The following MEGF11 variants were observed in gnomAD, a reference collection of about 807,000 sequenced individuals.
The protein encoded by MEGF11 is multiple EGF like domains 11.
In MEGF11, 126 loss-of-function variants were observed where a neutral mutation model predicts 146.6. That is an observed-to-expected ratio of 0.86 (90% CI 0.74 to 1.00). The LOEUF (loss-of-function observed/expected upper bound fraction) is 1.00. Ranked by LOEUF, MEGF11 falls within the 50% of genes least tolerant of loss-of-function variation. The probability of loss-of-function intolerance (pLI) is 0.00; values close to 1 mark genes in which losing one functional copy is unlikely to be tolerated. For synonymous variants in MEGF11, 532 were observed against 583.4 expected, an observed-to-expected ratio of 0.91 and a Z score of 1.27; for missense variants, 1,509 against 1,521.2, an observed-to-expected ratio of 0.99 and a Z score of 0.13.
intron 5 of MEGF11, among the ~76,000 whole-genome samples, chr15:66,089,418 T>C (rs1305302744): frequency 6.6e-6 from 1 of 152,112 alleles, no homozygotes; most frequent in Admixed American, 6.5e-5. Context: ...ACGTGGAAAA[T>C]AATGGGAAAC....
chr15:66,145,493 C>T (rs917407561), intron 1 of MEGF11, among the ~76,000 whole-genome samples: 11 of 152,170 alleles, frequency 7.2e-5, no homozygotes, highest in Non-Finnish European at 7.3e-5. Flanking sequence ...ATGCATTTGG[C>T]TTTGGAGTTC....
At chr15:66,164,263 G>T (rs989614511) in intron 1 of MEGF11, among the ~76,000 whole-genome samples, 1 of 152,164 alleles carries the variant, frequency 6.6e-6, no homozygotes, top group African/African-American at 2.4e-5. Flanking sequence ...GGGCCAGGCT[G>T]CCCTGGACTC....
intron 1 of MEGF11, among the ~76,000 whole-genome samples, chr15:66,219,595 C>T (rs1036977764): frequency 3.9e-5 from 6 of 152,136 alleles, no homozygotes; most frequent in Non-Finnish European, 8.8e-5. Flanking sequence ...AACTGGATCA[C>T]TCATACATTG....
At chr15:66,170,007 G>A (rs1308363395) in intron 1 of MEGF11, among the ~76,000 whole-genome samples, 3 of 84,514 alleles carry the variant, frequency 3.5e-5, no homozygotes, top group Non-Finnish European at 6.2e-5. Flanking sequence ...CTAAGAGACC[G>A]TCTGCCGAAA....
chr15:66,083,890 C>A (rs1341265290), intron 5 of MEGF11, among the ~76,000 whole-genome samples: 1 of 152,230 alleles, frequency 6.6e-6, no homozygotes, highest in South Asian at 2.1e-4. Context: ...GCCCTCCAGT[C>A]GGGTGACAAA....
intron 4 of MEGF11, among the ~76,000 whole-genome samples, chr15:66,118,145 G>T (rs969466222): frequency 2.6e-5 from 4 of 152,082 alleles, no homozygotes; most frequent in Non-Finnish European, 4.4e-5. Flanking sequence ...ATTAAACGAG[G>T]GCCTCCCAGC....
rs943243499 is a variant in MEGF11 at position 65,982,612 on chromosome 15, A to G, written c.395-124T>C. The G allele has an allele frequency of 2.5e-6, 3 of 1,193,416 alleles. No individual in the cohort carries two copies. The Admixed American group carries it at 9.8e-5, about 39-fold the overall frequency. 73.9% of individuals were successfully genotyped at this position (1,193,416 alleles called of 1,614,324 possible). On this transcript the variant is annotated intron_variant, in intron 5 of 25. Coordinates refer to ENST00000395614, the MANE Select transcript of MEGF11 (RefSeq NM_001385028.1). This position sits in a 1 kb window ranked among gnomAD's most constrained non-coding sequence, Gnocchi z 5.6. ...CGCTGCTCCCCGGACAGGTGGCAGC[A>G]AGGGGTGCCTGGAAGCTTTGGTGCC...
intron 1 of MEGF11, among the ~76,000 whole-genome samples, chr15:66,134,141 A>G (rs929144934): frequency 5.3e-5 from 8 of 152,160 alleles, no homozygotes; most frequent in Non-Finnish European, 1.2e-4. Flanking sequence ...TGGCCCTGAC[A>G]TCAGTCAGGC....
At chr15:66,169,187 C>T (rs991122452) in intron 1 of MEGF11, among the ~76,000 whole-genome samples, 28 of 152,210 alleles carry the variant, frequency 1.8e-4, no homozygotes, top group Admixed American at 2.0e-4. Context: ...GTGCACAGAC[C>T]GCAGCGTCCT....
At chr15:66,106,140 C>T (rs1228756117) in intron 4 of MEGF11, among the ~76,000 whole-genome samples, 1 of 152,196 alleles carries the variant, frequency 6.6e-6, no homozygotes, top group Non-Finnish European at 1.5e-5. Flanking sequence ...GGTGACAATT[C>T]AGCACCACTG....
In MEGF11 at chr15:65,918,074, C is replaced by T. The variant is rs1479377812; in HGVS notation, c.1978G>A (p.Gly660Arg). Reference protein sequence around the residue: ...CNQVCAGGYFGQDCAQLCSCA... With the variant: ...CNQVCAGGYFRQDCAQLCSCA... Reference sequence around the variant, plus strand: ...GAGCAGAGCTGGGCACAGTCCTGCCCAAAGTATCCTCCAGCACACACTGTG... The same window carrying T: ...GAGCAGAGCTGGGCACAGTCCTGCCTAAAGTATCCTCCAGCACACACTGTG... Residue 660 changes from glycine (G) to arginine (R), a missense_variant, in exon 16 of 26, where the codon GGG becomes AGG. By Grantham distance (125) the Gly-to-Arg change is moderately radical. Transcript: ENST00000395614. 2 of 1,613,924 alleles carry T rather than the reference C, an allele frequency of 1.2e-6. No individual in the cohort carries two copies. The highest frequency in any genetic ancestry group is 2.2e-5 in the South Asian group (2 of 91,072).
intron 1 of MEGF11, among the ~76,000 whole-genome samples, chr15:66,179,606 G>A (rs1158847846): frequency 1.3e-5 from 2 of 152,108 alleles, no homozygotes; most frequent in East Asian, 1.9e-4. Context: ...AACAGCATGC[G>A]AGAATGTAGA....
intron 25 of MEGF11, 90 bp downstream of exon 25, chr15:65,898,624 GAAGGATGTGTGGTC>G: frequency 6.5e-7 from 1 of 1,532,680 alleles, no homozygotes; most frequent in Admixed American, 2.0e-5. Flanking sequence ...AGCAACAAAA[GAAGGATGTGTGGTC>G]AAGGTGGGGT....
Position 66,034,042 on chromosome 15 carries a change from G to A in MEGF11, c.395-51554C>T, listed in dbSNP as rs184709400. Among the ~76,000 whole-genome samples, 207 of 152,234 alleles carry A rather than the reference G, an allele frequency of 1.4e-3. 1 individual carries two copies. Among genetic ancestry groups the A allele is most frequent in the Admixed American group, 9.8e-3 (150 of 15,300 alleles). On this transcript the variant is annotated intron_variant, in intron 5 of 25. Coordinates refer to ENST00000395614, the MANE Select transcript of MEGF11 (RefSeq NM_001385028.1). ...CCTGACCTTGTGATCCACCTGCCTC[G>A]GCCTCCCAAAGTGCTGGGATTACAG...
intron 4 of MEGF11, among the ~76,000 whole-genome samples, chr15:66,117,140 C>T (rs1051067306): frequency 2.0e-5 from 3 of 152,132 alleles, no homozygotes; most frequent in Non-Finnish European, 4.4e-5. Flanking sequence ...TGGCATGTGG[C>T]AGGTGCTGGG....
chr15:66,201,775 T>TAG (rs759305433), intron 1 of MEGF11, among the ~76,000 whole-genome samples: 1 of 47,400 alleles, frequency 2.1e-5, no homozygotes, highest in Non-Finnish European at 4.3e-5. Context: ...TTACTAAAAA[T>TAG]CCCAAAAAAA....
chr15:66,025,778 T>C (rs921007373), intron 5 of MEGF11, among the ~76,000 whole-genome samples: 1 of 152,176 alleles, frequency 6.6e-6, no homozygotes, highest in Non-Finnish European at 1.5e-5. Flanking sequence ...TACACTTCTG[T>C]GAACTTCTAA....
intron 3 of MEGF11, among the ~76,000 whole-genome samples, chr15:66,122,641 A>G (rs1037635516): frequency 7.9e-5 from 12 of 152,186 alleles, no homozygotes; most frequent in Non-Finnish European, 1.5e-4. Context: ...CCCTTCAAAT[A>G]GTGTCGCTTC....
rs1027869024 is a variant in MEGF11, at chr15:66,201,925, C to T, written c.-9+51680G>A. 7.7e-5 allele frequency among the ~76,000 whole-genome samples: 9 copies of T among 117,274 alleles called. No homozygotes were observed. In the East Asian group the frequency reaches 1.6e-3, roughly 21 times the overall value. 76.9% of individuals were successfully genotyped at this position (117,274 alleles called of 152,430 possible). A position where few individuals can be genotyped will look rare whatever the true frequency, so the allele number is the denominator to read the frequency against. On this transcript the variant is annotated intron_variant, in intron 1 of 25. Transcript: ENST00000395614. Reference sequence around the variant, plus strand: ...TTGTGCCACTGCACTCCAGTCTGGGCGACAGAGCAAGACTCCATCTCAAAA... The same window carrying T: ...TTGTGCCACTGCACTCCAGTCTGGGTGACAGAGCAAGACTCCATCTCAAAA...
Sources: gnomAD v4.1 joint callset for allele counts (sites outside exome capture counted in the v4.1 genomes callset) on GRCh38, gnomAD v4.1.1 for gene constraint, Gnocchi (gnomAD v3.1) non-coding constraint, MANE v1.5 for transcripts, NCBI Gene and HGNC (gene_info 2026-07-23, HGNC 2026-07-21) for gene names.